RPH3AL: variants seen among roughly 807,000 people sequenced by gnomAD.
RPH3AL encodes the protein rabphilin 3A like (without C2 domains).
Under a neutral mutation model 43.1 loss-of-function variants are expected in RPH3AL, and 38 were observed. The observed-to-expected ratio is 0.88, with a 90% CI of 0.68 to 1.15. The LOEUF (loss-of-function observed/expected upper bound fraction) is 1.15, where lower values mean the gene tolerates loss of function less well. RPH3AL is among the 50% of genes most tolerant of loss of function. RPH3AL has a pLI of 0.00. For synonymous variants in RPH3AL, 189 were observed against 176.3 expected (o/e 1.07, Z -0.57); for missense variants, 462 against 423.2 (o/e 1.09, Z -0.81).
At chr17:265,952 G>A (rs1372562977) in intron 6 of RPH3AL, among the ~76,000 whole-genome samples, 1 of 152,210 alleles carries the variant, frequency 6.6e-6, no homozygotes, top group African/African-American at 2.4e-5. Context: ...CGGATGTTCA[G>A]CGTGAGGGGG....
intron 5 of RPH3AL, among the ~76,000 whole-genome samples, chr17:305,466 TC>T (rs1213734787): frequency 6.6e-6 from 1 of 152,012 alleles, no homozygotes; most frequent in Non-Finnish European, 1.5e-5. Flanking sequence ...GCCCCTGACG[TC>T]CCACCAGGCA....
intron 7 of RPH3AL, among the ~76,000 whole-genome samples, chr17:233,907 G>A (rs865780159): frequency 0.014 from 1,466 of 108,572 alleles, 24 homozygotes; most frequent in African/African-American, 0.049. Context: ...AGCGGGGAGC[G>A]GCTACTTACC....
At position 340,409 on chromosome 17, in the gene RPH3AL, G is replaced by C. The variant is rs1231035908; in HGVS notation, c.-212-6475C>G. Among the ~76,000 whole-genome samples the C allele has an allele frequency of 5.4e-4, 68 of 124,890 alleles. 2 individuals carry two copies. The highest frequency in any genetic ancestry group is 2.0e-3 in the African/African-American group (58 of 28,946). 81.9% of individuals were successfully genotyped at this position (124,890 alleles called of 152,430 possible). On this transcript the variant is annotated intron_variant, in intron 1 of 9. Coordinates refer to ENST00000331302, the MANE Select transcript of RPH3AL (RefSeq NM_006987.4). Reference sequence around the variant, plus strand: ...CCCCACATCCACACTCACTGCCCCGGGCTCAGGCCTCCCCACATCCATACT... The same window carrying C: ...CCCCACATCCACACTCACTGCCCCGCGCTCAGGCCTCCCCACATCCATACT...
intron 7 of RPH3AL, among the ~76,000 whole-genome samples, chr17:224,915 G>A (rs2041071641): frequency 6.9e-6 from 1 of 145,046 alleles, no homozygotes; most frequent in Admixed American, 7.0e-5. Context: ...ATTGAACAAT[G>A]AGAACACTTG....
At chr17:331,471 G>C (rs960938540) in intron 2 of RPH3AL, 12 of 930,606 alleles carry the variant, frequency 1.3e-5, no homozygotes, top group Admixed American at 3.5e-5. Context: ...CCCGGCTCTG[G>C]GACGGCTGTG....
At chr17:350,575 C>A (rs888891658) in intron 1 of RPH3AL, among the ~76,000 whole-genome samples, 1 of 152,166 alleles carries the variant, frequency 6.6e-6, no homozygotes, top group Non-Finnish European at 1.5e-5. Flanking sequence ...CGCACCAGTG[C>A]ACTCTAGCTG....
In RPH3AL at chr17:213,580, C is replaced by T. The variant is rs1010973452; in HGVS notation, c.*272G>A. The T allele has an allele frequency of 7.2e-6, 4 of 554,566 alleles. No homozygotes were observed. In the African/African-American group the frequency reaches 7.6e-5, roughly 11 times the overall value. The allele number at this position is 554,566 out of a possible 1,614,324, so 34.4% of individuals were successfully genotyped here. ...GACACGCGCAAACTTAAAATCATCACCAGGTAGATTGGGGGTGTGGGAGGG... is the reference window on the plus strand; with the variant it reads ...GACACGCGCAAACTTAAAATCATCATCAGGTAGATTGGGGGTGTGGGAGGG... On this transcript the variant is annotated 3_prime_UTR_variant, in exon 10 of 10. Coordinates refer to ENST00000331302, the MANE Select transcript of RPH3AL (RefSeq NM_006987.4).
chr17:285,428 C>A (rs2042884183), intron 5 of RPH3AL, among the ~76,000 whole-genome samples: 3 of 152,172 alleles, frequency 2.0e-5, no homozygotes, highest in Admixed American at 2.0e-4. Flanking sequence ...AACTGAGACA[C>A]AGGAAAAGCA....
In RPH3AL at chr17:334,491, G is replaced by A. The variant is rs144848434; in HGVS notation, c.-212-557C>T. Among the ~76,000 whole-genome samples, 59 of 150,214 alleles carry A rather than the reference G, an allele frequency of 3.9e-4. No homozygotes were observed. The East Asian group carries it at 4.0e-3, about 10-fold the overall frequency. On this transcript the variant is annotated intron_variant, in intron 1 of 9. Transcript: ENST00000331302. The stretch of plus-strand genomic sequence containing the variant: ...CTCCGAGGGCCAGCCCATCCACTGC[G>A]GAGGGACAGGAACAAGGACAGGGAC...
Position 215,608 on chromosome 17 carries a change from G to C in RPH3AL, c.876+46C>G, listed in dbSNP as rs569901036. Reference sequence around the variant, plus strand: ...GGGAGGAGTGAGTGAGAGAGGACACGGCCGCGGGGGCAGGAGAGGGGAGAA... The same window carrying C: ...GGGAGGAGTGAGTGAGAGAGGACACCGCCGCGGGGGCAGGAGAGGGGAGAA... On this transcript the variant is annotated intron_variant, in intron 9 of 9. Coordinates refer to ENST00000331302, the MANE Select transcript of RPH3AL (RefSeq NM_006987.4). The surrounding 1 kb of genome is among the most constrained non-coding windows in gnomAD (Gnocchi z 4.1). The C allele has an allele frequency of 1.6e-5, 20 of 1,254,220 alleles. No homozygotes were observed. Among genetic ancestry groups the C allele is most frequent in the Middle Eastern group, 3.1e-4 (1 of 3,254 alleles). 77.7% of individuals were successfully genotyped at this position (1,254,220 alleles called of 1,614,324 possible).
intron 6 of RPH3AL, among the ~76,000 whole-genome samples, chr17:248,459 C>T (rs76918064): frequency 0.11 from 16,840 of 152,206 alleles, 1,202 homozygotes; most frequent in Non-Finnish European, 0.15. Flanking sequence ...CTGCCAGGGC[C>T]CAAGCAGGTG....
intron 3 of RPH3AL, 23 bp from the exon 4 acceptor site, chr17:321,438 G>A (rs371306397): frequency 1.2e-4 from 185 of 1,557,542 alleles, no homozygotes; most frequent in Middle Eastern, 1.7e-4. Flanking sequence ...CAGCACAGAC[G>A]GCGTGGAGGC....
intron 5 of RPH3AL, among the ~76,000 whole-genome samples, chr17:310,654 C>G (rs765618705): frequency 2.0e-5 from 3 of 152,318 alleles, no homozygotes; most frequent in South Asian, 2.1e-4. Flanking sequence ...TTCCAGCCCC[C>G]CAGGGCTGCC....
chr17:305,182 C>T (rs1445751538), intron 5 of RPH3AL, among the ~76,000 whole-genome samples: 1 of 148,566 alleles, frequency 6.7e-6, no homozygotes, highest in South Asian at 2.1e-4. Flanking sequence ...CACCACCAGG[C>T]GCACAGCCCA....
chr17:300,307 C>T (rs77367242), intron 5 of RPH3AL, among the ~76,000 whole-genome samples: 1 of 60,390 alleles, frequency 1.7e-5, no homozygotes, highest in African/African-American at 8.0e-5. Context: ...CAGAATCTCT[C>T]ACCCGGTCTA....
chr17:333,516 C>T lies in RPH3AL; in HGVS notation c.-37+243G>A. ...TGCTGCTTGCTGGTTTTTTAAACCA[C>T]CTTGTGCTTTCCCACAGTATTAAAG... On this transcript the variant is annotated intron_variant, in intron 2 of 9. Coordinates refer to ENST00000331302, the MANE Select transcript of RPH3AL (RefSeq NM_006987.4). This position sits in a 1 kb window ranked among gnomAD's most constrained non-coding sequence, Gnocchi z 4.5. 1 of 336,422 alleles carries T rather than the reference C, an allele frequency of 3.0e-6. No homozygotes were observed. Among genetic ancestry groups the T allele is most frequent in the South Asian group, 2.4e-5 (1 of 42,066 alleles). 20.8% of individuals were successfully genotyped at this position (336,422 alleles called of 1,614,324 possible).
chr17:238,534 T>G (rs1239992641), intron 7 of RPH3AL, among the ~76,000 whole-genome samples: 1 of 152,196 alleles, frequency 6.6e-6, no homozygotes, highest in Admixed American at 6.5e-5. Context: ...TCGTTCTTCC[T>G]TTCTTTACAG....
Position 300,154 on chromosome 17 carries a change from T to C in RPH3AL, c.352-18300A>G, listed in dbSNP as rs1432588693. 7.3e-4 allele frequency among the ~76,000 whole-genome samples: 49 copies of C among 67,128 alleles called. 1 individual carries two copies. The highest frequency in any genetic ancestry group is 2.8e-3 in the African/African-American group (47 of 17,054). The allele number at this position is 67,128 out of a possible 152,430, so 44.0% of individuals were successfully genotyped here. A position where few individuals can be genotyped will look rare whatever the true frequency, so the allele number is the denominator to read the frequency against. Reference sequence around the variant, plus strand: ...AGCAGGGGCTGGCCCAGCCTAGGCCTGCAGAATCTCTCACCCACTCTAGAA... The same window carrying C: ...AGCAGGGGCTGGCCCAGCCTAGGCCCGCAGAATCTCTCACCCACTCTAGAA... On this transcript the variant is annotated intron_variant, in intron 5 of 9. Transcript: ENST00000331302.
intron 7 of RPH3AL, among the ~76,000 whole-genome samples, chr17:241,618 C>CA (rs1415692552): frequency 1.3e-5 from 2 of 151,182 alleles, no homozygotes; most frequent in Non-Finnish European, 1.5e-5. Flanking sequence ...AAACAAAAGC[C>CA]AAAAAAACCC....
Sources: allele counts gnomAD v4.1 joint callset (sites outside exome capture counted in the v4.1 genomes callset), GRCh38; gene constraint gnomAD v4.1.1; non-coding constraint Gnocchi (gnomAD v3.1); transcripts MANE v1.5; gene names NCBI Gene and HGNC (gene_info 2026-07-23, HGNC 2026-07-21).